The following PTPRD variants were observed in gnomAD, a reference collection of about 807,000 sequenced individuals.
PTPRD encodes protein tyrosine phosphatase receptor type D, also known as receptor-type tyrosine-protein phosphatase delta.
Under a neutral mutation model 214.5 loss-of-function variants are expected in PTPRD, and 34 were observed. The ratio of observed to expected loss-of-function variants is 0.16; its 90% CI spans 0.12 to 0.21. PTPRD has a LOEUF of 0.21. Among genes scored for constraint, PTPRD ranks in the 10% least tolerant of loss-of-function variants. PTPRD has a pLI of 1.00. For synonymous variants in PTPRD, 1,128 were observed against 845.7 expected (o/e 1.33, Z -5.79); for missense variants, 2,545 against 2,398.7 (o/e 1.06, Z -1.27).
At chr9:8,607,608 A>T (rs952850615) in intron 14 of PTPRD, among the ~76,000 whole-genome samples, 1 of 152,114 alleles carries the variant, frequency 6.6e-6, no homozygotes, top group African/African-American at 2.4e-5. Flanking sequence ...GCGCCACTGC[A>T]CTCCAGCCTG....
chr9:9,365,099 T>G (rs1166374836), intron 9 of PTPRD, among the ~76,000 whole-genome samples: 1 of 151,480 alleles, frequency 6.6e-6, no homozygotes, highest in Non-Finnish European at 1.5e-5. Flanking sequence ...TGGAGAACAC[T>G]GAGTAATATG....
intron 8 of PTPRD, among the ~76,000 whole-genome samples, chr9:9,540,653 A>T (rs1427855338): frequency 6.6e-6 from 1 of 151,772 alleles, no homozygotes; most frequent in Non-Finnish European, 1.5e-5. Context: ...TGTGGTAAAA[A>T]ATATGTTTTA....
chr9:8,394,711 T>C (rs1470253098), intron 36 of PTPRD, among the ~76,000 whole-genome samples: 1 of 152,174 alleles, frequency 6.6e-6, no homozygotes, highest in African/African-American at 2.4e-5. Flanking sequence ...TATTTTAAGA[T>C]AAATAGAGGC....
chr9:9,991,916 C>A (rs914594502), intron 4 of PTPRD, among the ~76,000 whole-genome samples: 3 of 151,646 alleles, frequency 2.0e-5, no homozygotes, highest in African/African-American at 7.3e-5. Flanking sequence ...TATACACATT[C>A]AGTAGAGTAA....
rs540678454 is a variant in PTPRD, at chr9:9,825,522, C to T, written c.-367-58671G>A. Among the ~76,000 whole-genome samples, 6 of 151,890 alleles carry T rather than the reference C, an allele frequency of 4.0e-5. No homozygotes were observed. In the East Asian group the frequency reaches 9.7e-4, roughly 25 times the overall value. ...GAAACAGACAGGTAGGCAGTCAGTG[C>T]ATATAGACACTGCATACTGTAGTCT... is the stretch of plus-strand genomic sequence containing the variant. On this transcript the variant is annotated intron_variant, in intron 5 of 45. Transcript: ENST00000381196.
At chr9:10,261,531 T>C (rs1408483438) in intron 3 of PTPRD, among the ~76,000 whole-genome samples, 1 of 151,878 alleles carries the variant, frequency 6.6e-6, no homozygotes, top group Non-Finnish European at 1.5e-5. Flanking sequence ...AAGAATGTTG[T>C]GTGTGTGTAT....
At chr9:9,038,700 G>A (rs765045480) in intron 10 of PTPRD, among the ~76,000 whole-genome samples, 106 of 151,602 alleles carry the variant, frequency 7.0e-4, no homozygotes, top group Non-Finnish European at 7.4e-5. Flanking sequence ...GATTACAGAT[G>A]CCTACCACCA....
rs146560180 is a variant in PTPRD at position 9,984,911 on chromosome 9, G to A, written c.-471-46301C>T. Among the ~76,000 whole-genome samples, 236 of 152,218 alleles carry A rather than the reference G, an allele frequency of 1.6e-3. 2 individuals are homozygous for A. In the East Asian group the frequency reaches 0.043, roughly 27 times the overall value. The stretch of plus-strand genomic sequence containing the variant: ...CAACCATGCACACCCAAAAACCAAA[G>A]GGGAGTGCCTTCTTCCTGCAATGTG... On this transcript the variant is annotated intron_variant, in intron 4 of 45. Transcript: ENST00000381196.
chr9:8,917,171 C>T (rs574496600), intron 11 of PTPRD, among the ~76,000 whole-genome samples: 2 of 149,524 alleles, frequency 1.3e-5, no homozygotes, highest in Non-Finnish European at 3.0e-5. Context: ...CCCTTTTGCC[C>T]AGGCTGAAGT....
intron 3 of PTPRD, among the ~76,000 whole-genome samples, chr9:10,203,442 G>A (rs2099443123): frequency 6.6e-6 from 1 of 152,048 alleles, no homozygotes; most frequent in South Asian, 2.1e-4. Context: ...GTTTGGCAAA[G>A]TATCATTGAT....
intron 34 of PTPRD, among the ~76,000 whole-genome samples, chr9:8,448,419 G>T (rs1274811696): frequency 2.0e-5 from 3 of 152,060 alleles, no homozygotes; most frequent in Admixed American, 6.5e-5. Flanking sequence ...AAAAAGCGCT[G>T]ACCCAATGAA....
rs538865307 is a variant in PTPRD at position 10,088,180 on chromosome 9, G to A, written c.-544-54390C>T. Among the ~76,000 whole-genome samples, 3 of 151,796 alleles carry A rather than the reference G, an allele frequency of 2.0e-5. No homozygotes were observed. In the East Asian group the frequency reaches 5.9e-4, roughly 30 times the overall value. ...ACAGCCATCTTTTTCTATTGCAATAGCATCAGGCTAGATTATATCTTCATG... is the reference window on the plus strand; with the variant it reads ...ACAGCCATCTTTTTCTATTGCAATAACATCAGGCTAGATTATATCTTCATG... On this transcript the variant is annotated intron_variant, in intron 3 of 45. Transcript: ENST00000381196.
At chr9:10,430,695 ATATACT>A (rs1307545167) in intron 2 of PTPRD, among the ~76,000 whole-genome samples, 3 of 152,060 alleles carry the variant, frequency 2.0e-5, no homozygotes, top group Admixed American at 2.0e-4. Context: ...TATAACTGAA[ATATACT>A]TATAGAAATC....
At chr9:9,908,722 T>C (rs10759100) in intron 5 of PTPRD, among the ~76,000 whole-genome samples, 42,309 of 151,906 alleles carry the variant, frequency 0.28, 6,389 homozygotes, top group East Asian at 0.38. Flanking sequence ...TGCTGGTTGC[T>C]TAATATATCA....
At chr9:9,802,265 T>C (rs1235477102) in intron 5 of PTPRD, among the ~76,000 whole-genome samples, 2 of 151,950 alleles carry the variant, frequency 1.3e-5, no homozygotes, top group Non-Finnish European at 2.9e-5. Context: ...TATGGGTTGA[T>C]AGGAATCCTG....
At chr9:9,573,986 T>C (rs949667959) in intron 8 of PTPRD, among the ~76,000 whole-genome samples, 1 of 151,834 alleles carries the variant, frequency 6.6e-6, no homozygotes, top group East Asian at 1.9e-4. Context: ...GAATGTATGA[T>C]ACAAATGCCC....
chr9:8,370,041 C>T (rs1430761208), intron 39 of PTPRD, among the ~76,000 whole-genome samples: 1 of 151,932 alleles, frequency 6.6e-6, no homozygotes, highest in East Asian at 1.9e-4. Flanking sequence ...AACAAAACGG[C>T]CTTAGTTTCT....
At chr9:9,643,761 G>C (rs888058526) in intron 7 of PTPRD, among the ~76,000 whole-genome samples, 4 of 152,166 alleles carry the variant, frequency 2.6e-5, no homozygotes, top group African/African-American at 9.7e-5. Context: ...ATTGTTCTTA[G>C]ATAATAGTTC....
intron 11 of PTPRD, among the ~76,000 whole-genome samples, chr9:8,893,007 T>C (rs1350208843): frequency 2.0e-5 from 3 of 152,180 alleles, no homozygotes; most frequent in Non-Finnish European, 4.4e-5. Context: ...AATCCAACTA[T>C]AGTGAGACAT....
Sources: allele counts gnomAD v4.1 joint callset (sites outside exome capture counted in the v4.1 genomes callset), GRCh38; gene constraint gnomAD v4.1.1; transcripts MANE v1.5; gene names NCBI Gene and HGNC (gene_info 2026-07-23, HGNC 2026-07-21).